The following ZNF81 variants were observed in gnomAD, a reference collection of about 807,000 sequenced individuals.
The protein encoded by ZNF81 is zinc finger protein 81.
Under a neutral mutation model 32.3 loss-of-function variants are expected in ZNF81, and 5 were observed. That is an observed-to-expected ratio of 0.15 (90% CI 0.08 to 0.33). ZNF81 has a LOEUF of 0.33. Among genes scored for constraint, ZNF81 ranks in the 10% least tolerant of loss-of-function variants. The pLI is 1.00. For synonymous variants in ZNF81, 163 were observed against 166.8 expected (o/e 0.98, Z 0.17); for missense variants, 379 against 479.8 (o/e 0.79, Z 1.96).
rs1556892089 is a variant in ZNF81, at chrX:47,922,586, C to G, written c.*5954C>G. On this transcript the variant is annotated 3_prime_UTR_variant, in exon 5 of 5. Transcript: ENST00000338637. ...GCCAGGGTTTCAATCCTGGCTCTAC[C>G]AATTTACTAGTTTATGTGACCTTGG... Among the ~76,000 whole-genome samples, 1 of 111,616 alleles carries G rather than the reference C, an allele frequency of 9.0e-6. No individual in the cohort carries two copies. Among genetic ancestry groups the G allele is most frequent in the East Asian group, 2.8e-4 (1 of 3,591 alleles).
rs1556892032 is a variant in ZNF81, at chrX:47,922,286, T to C, written c.*5654T>C. Reference sequence around the variant, plus strand: ...ACGTTCCCATGCTTGTAATCAGAAGTTATATAAGATTGTTTCCTCCTTTGA... The same window carrying C: ...ACGTTCCCATGCTTGTAATCAGAAGCTATATAAGATTGTTTCCTCCTTTGA... On this transcript the variant is annotated 3_prime_UTR_variant, in exon 5 of 5. Transcript: ENST00000338637. The C allele has an allele frequency of 8.9e-6, 1 of 112,191 alleles. No homozygotes were observed. The highest frequency in any genetic ancestry group is 3.2e-5 in the African/African-American group (1 of 30,866). 9.2% of individuals were successfully genotyped at this position (112,191 alleles called of 1,213,427 possible).
chrX:47,900,727 G>A (rs1443199569), intron 4 of ZNF81, among the ~76,000 whole-genome samples: 2 of 111,657 alleles, frequency 1.8e-5, no homozygotes, highest in Non-Finnish European at 3.8e-5. Context: ...GATTGACACT[G>A]GAAATGCTGT....
In ZNF81 at chrX:47,920,362, G is replaced by A. The variant is rs1406312744; in HGVS notation, c.*3730G>A. On this transcript the variant is annotated 3_prime_UTR_variant, in exon 5 of 5. Transcript: ENST00000338637. ...GGTTCTTGCTGACCTGGTGAGTTGG[G>A]GGGCAGGGGTTGTCTTGGGCCAGCC... 3 of 110,965 alleles carry A rather than the reference G, an allele frequency of 2.7e-5. No homozygotes were observed. Among genetic ancestry groups the A allele is most frequent in the Non-Finnish European group, 5.7e-5 (3 of 53,061 alleles). 9.1% of individuals were successfully genotyped at this position (110,965 alleles called of 1,213,427 possible).
chrX:47,892,512 G>T (rs2058665985), intron 3 of ZNF81, among the ~76,000 whole-genome samples: 1 of 112,042 alleles, frequency 8.9e-6, no homozygotes, highest in Non-Finnish European at 1.9e-5. Flanking sequence ...CCTCTGCAGA[G>T]TACCCAGGCA....
Position 47,895,904 on chromosome X carries a change from A to C in ZNF81, c.241A>C (p.Thr81Pro), listed in dbSNP as rs781905374. Reference protein sequence around the residue: ...FKLEQGEGPWTLEGEAPHQSC... With the variant: ...FKLEQGEGPWPLEGEAPHQSC... ...GTTGGAGCAAGGAGAGGGGCCATGG[A>C]CATTGGAAGGGGAAGCCCCACATCA... Residue 81 changes from threonine to proline, a missense_variant, in exon 4 of 5, where the codon ACA (threonine) becomes CCA (proline). This residue lies in a region of ZNF81 where 277 missense variants were observed against 306.6 expected (regional missense o/e 0.90). Coordinates refer to ENST00000338637, the MANE Select transcript of ZNF81 (RefSeq NM_007137.5). 4 of 1,210,867 alleles carry C rather than the reference A, an allele frequency of 3.3e-6. No individual in the cohort carries two copies. The South Asian group carries it at 5.3e-5, about 16-fold the overall frequency.
chrX:47,839,677 G>A (rs2058438877), intron 1 of ZNF81, among the ~76,000 whole-genome samples: 1 of 111,908 alleles, frequency 8.9e-6, no homozygotes, highest in African/African-American at 3.3e-5. Context: ...CTGTTCCCAA[G>A]CATTTTGGAT....
At chrX:47,897,268 G>A (rs1409086230) in intron 4 of ZNF81, among the ~76,000 whole-genome samples, 3 of 112,110 alleles carry the variant, frequency 2.7e-5, no homozygotes, top group Admixed American at 9.4e-5. Context: ...TTTTGCTATT[G>A]TAGCGGATAT....
In ZNF81 at chrX:47,920,962, A is replaced by G. The variant is rs1160977367; in HGVS notation, c.*4330A>G. 3 of 111,204 alleles carry G rather than the reference A, an allele frequency of 2.7e-5. No homozygotes were observed. Among genetic ancestry groups the G allele is most frequent in the Non-Finnish European group, 5.7e-5 (3 of 53,020 alleles). 9.2% of individuals were successfully genotyped at this position (111,204 alleles called of 1,213,427 possible). A position where few individuals can be genotyped will look rare whatever the true frequency, so the allele number is the denominator to read the frequency against. On this transcript the variant is annotated 3_prime_UTR_variant, in exon 5 of 5. Transcript: ENST00000338637. ...CTTGTCTTTTATTATATTTCAAGCT[A>G]GTTGGTTGCTCTGTAATCTTAGCTC...
At chrX:47,875,519 C>T (rs1418996380) in intron 2 of ZNF81, among the ~76,000 whole-genome samples, 4 of 112,169 alleles carry the variant, frequency 3.6e-5, no homozygotes, top group African/African-American at 1.3e-4. Context: ...ATAGGTTCTG[C>T]ATTACACATG....
chrX:47,878,462 G>A (rs1258369424), intron 2 of ZNF81, among the ~76,000 whole-genome samples: 1 of 112,421 alleles, frequency 8.9e-6, no homozygotes, highest in Non-Finnish European at 1.9e-5. Context: ...TTTTCAGTAT[G>A]CCCAGACCTC....
chrX:47,922,948 A>C lies in ZNF81; in HGVS notation c.*6316A>C, dbSNP rs1235206751. 9.0e-6 allele frequency among the ~76,000 whole-genome samples: 1 copy of C among 110,969 alleles called. No homozygotes were observed. The highest frequency in any genetic ancestry group is 2.8e-4 in the East Asian group (1 of 3,557). On this transcript the variant is annotated 3_prime_UTR_variant, in exon 5 of 5. Transcript: ENST00000338637. ...TTTTCTCCCTGTGTTTCTTCACATCATGTTCCCTCTGTGTGTCTGGCTCTC... is the reference window on the plus strand; with the variant it reads ...TTTTCTCCCTGTGTTTCTTCACATCCTGTTCCCTCTGTGTGTCTGGCTCTC...
intron 2 of ZNF81, among the ~76,000 whole-genome samples, chrX:47,886,601 C>CTTTT (rs564623338): frequency 1.0e-5 from 1 of 96,185 alleles, no homozygotes; most frequent in Non-Finnish European, 2.1e-5. Context: ...CTCTCTCTCT[C>CTTTT]TTTTTTTTTT....
Position 47,916,850 on chromosome X carries a change from A to G in ZNF81, c.*218A>G, listed in dbSNP as rs1318875657. 2.9e-6 allele frequency: 1 copy of G among 346,156 alleles called. No individual in the cohort carries two copies. The highest frequency in any genetic ancestry group is 5.4e-5 in the Admixed American group (1 of 18,499). The allele number at this position is 346,156 out of a possible 1,213,427, so 28.5% of individuals were successfully genotyped here. A position where few individuals can be genotyped will look rare whatever the true frequency, so the allele number is the denominator to read the frequency against. On this transcript the variant is annotated 3_prime_UTR_variant, in exon 5 of 5. Coordinates refer to ENST00000338637, the MANE Select transcript of ZNF81 (RefSeq NM_007137.5). ...GAATTTGCACAGCCTCATGAAATATAGTAAAAGTCATACTGGGAAAAATGT... is the reference window on the plus strand; with the variant it reads ...GAATTTGCACAGCCTCATGAAATATGGTAAAAGTCATACTGGGAAAAATGT...
chrX:47,882,801 G>A (rs782724020), intron 2 of ZNF81, among the ~76,000 whole-genome samples: 4 of 112,342 alleles, frequency 3.6e-5, no homozygotes, highest in African/African-American at 9.7e-5. Context: ...AACCAGCCTC[G>A]CCAACATGGC....
intron 2 of ZNF81, among the ~76,000 whole-genome samples, chrX:47,869,003 G>A (rs1393762967): frequency 9.0e-6 from 1 of 110,687 alleles, no homozygotes; most frequent in Non-Finnish European, 1.9e-5. Flanking sequence ...CACCAGTATG[G>A]ATGTAATTTA....
intron 3 of ZNF81, among the ~76,000 whole-genome samples, chrX:47,889,684 G>A (rs2058655787): frequency 8.9e-6 from 1 of 112,191 alleles, no homozygotes; most frequent in Non-Finnish European, 1.9e-5. Context: ...ATTCGCTCAC[G>A]GTTCTGCAGG....
intron 2 of ZNF81, among the ~76,000 whole-genome samples, chrX:47,846,566 T>G (rs2058471718): frequency 8.9e-6 from 1 of 112,048 alleles, no homozygotes; most frequent in African/African-American, 3.2e-5. Context: ...TAATAGCCCT[T>G]TATCATTCTT....
chrX:47,900,463 A>G (rs1461193001), intron 4 of ZNF81, among the ~76,000 whole-genome samples: 1 of 111,932 alleles, frequency 8.9e-6, no homozygotes, highest in Non-Finnish European at 1.9e-5. Flanking sequence ...CTCAAGTTCT[A>G]GTATTATAGA....
chrX:47,864,314 A>G (rs1556882955), intron 2 of ZNF81, among the ~76,000 whole-genome samples: 1 of 112,007 alleles, frequency 8.9e-6, no homozygotes, highest in East Asian at 2.8e-4. Context: ...TTGCAATAAA[A>G]GGTACACCAT....
Sources: allele counts gnomAD v4.1 joint callset (sites outside exome capture counted in the v4.1 genomes callset), GRCh38; gene constraint gnomAD v4.1.1; regional missense constraint gnomAD v4.1.1; transcripts MANE v1.5; gene names NCBI Gene and HGNC (gene_info 2026-07-23, HGNC 2026-07-21).